The following WNT3 variants were observed in gnomAD, a reference collection of about 807,000 sequenced individuals.
WNT3 encodes Wnt family member 3.
A neutral mutation model predicts 34.2 loss-of-function variants in WNT3; 7 were observed. That is an observed-to-expected ratio of 0.20 (90% CI 0.12 to 0.38). WNT3 has a LOEUF of 0.38. Ranked by LOEUF, WNT3 falls within the 10% of genes least tolerant of loss-of-function variation. The pLI is 1.00. For synonymous variants in WNT3, 212 were observed against 211.5 expected (o/e 1.00, Z -0.02); for missense variants, 267 against 499.8 (o/e 0.53, Z 4.44).
At chr17:46,816,939 C>T (rs2084358628) in intron 1 of WNT3, among the ~76,000 whole-genome samples, 2 of 152,248 alleles carry the variant, frequency 1.3e-5, no homozygotes, top group Non-Finnish European at 2.9e-5. Flanking sequence ...CTGGCCGAAC[C>T]TCCTTCCTGA....
rs72628337 is a variant in WNT3 at position 46,773,055 on chromosome 17, G to A, written c.322+613C>T. ...TTAGCCTCCCTCCCAGGGCCTGCAG[G>A]TTCAAAGTCAAATCATGTGGTTCCC... On this transcript the variant is annotated intron_variant, in intron 2 of 4. Coordinates refer to ENST00000225512, the MANE Select transcript of WNT3 (RefSeq NM_030753.5). Among the ~76,000 whole-genome samples, 8,816 of 152,140 alleles carry A rather than the reference G, an allele frequency of 0.058. 1,392 individuals carry two copies. In the East Asian group the frequency reaches 0.6, roughly 10 times the overall value.
intron 1 of WNT3, among the ~76,000 whole-genome samples, chr17:46,806,589 A>G (rs2084200515): frequency 6.6e-6 from 1 of 152,204 alleles, no homozygotes. Flanking sequence ...GACAGTGCAG[A>G]GGTCACAGAC....
intron 1 of WNT3, among the ~76,000 whole-genome samples, chr17:46,807,044 A>G (rs750520087): frequency 2.6e-5 from 4 of 152,194 alleles, no homozygotes; most frequent in Non-Finnish European, 4.4e-5. Context: ...GGACATAGTC[A>G]TTGGCCAGGA....
chr17:46,777,125 G>A (rs1186931218), intron 1 of WNT3, among the ~76,000 whole-genome samples: 1 of 152,172 alleles, frequency 6.6e-6, no homozygotes, highest in Non-Finnish European at 1.5e-5. Context: ...CAGGAGAATC[G>A]CTTGAACCTG....
At chr17:46,773,595 G>T in intron 2 of WNT3, 73 bp downstream of exon 2, 2 of 1,459,680 alleles carry the variant, frequency 1.4e-6, no homozygotes, top group Non-Finnish European at 1.8e-6. Flanking sequence ...ACCCTGACTG[G>T]GGTGGAAGGG....
chr17:46,768,902 TC>T lies in WNT3; in HGVS notation c.589-104del. On this transcript the variant is annotated intron_variant, in intron 3 of 4. Coordinates refer to ENST00000225512, the MANE Select transcript of WNT3 (RefSeq NM_030753.5). The surrounding 1 kb of genome is among the most constrained non-coding windows in gnomAD (Gnocchi z 5.0). The stretch of plus-strand genomic sequence containing the variant: ...GCCCACCCCCTTCCCTCCAGCCTTC[TC>T]TACTCCTCTGTGACAGGAAGAGAAC... 6.6e-7 allele frequency: 1 copy of T among 1,505,320 alleles called. No homozygotes were observed. Among genetic ancestry groups the T allele is most frequent in the African/African-American group, 1.4e-5 (1 of 72,792 alleles). The allele number at this position is 1,505,320 out of a possible 1,614,324, so 93.2% of individuals were successfully genotyped here.
At chr17:46,777,793 A>G (rs1167022491) in intron 1 of WNT3, among the ~76,000 whole-genome samples, 1 of 152,230 alleles carries the variant, frequency 6.6e-6, no homozygotes, top group Non-Finnish European at 1.5e-5. Flanking sequence ...GCTGAGCCAG[A>G]ATTCAAGCCC....
chr17:46,805,919 G>C (rs1290224766), intron 1 of WNT3, among the ~76,000 whole-genome samples: 1 of 152,246 alleles, frequency 6.6e-6, no homozygotes, highest in African/African-American at 2.4e-5. Flanking sequence ...CTTGTTTAGA[G>C]CTCTGGGGTT....
chr17:46,773,047 GC>G (rs1161128255), intron 2 of WNT3, among the ~76,000 whole-genome samples: 2 of 152,082 alleles, frequency 1.3e-5, no homozygotes, highest in Non-Finnish European at 2.9e-5. Flanking sequence ...CCCTCCCAGG[GC>G]CTGCAGGTTC....
intron 1 of WNT3, 59 bp downstream of exon 1, chr17:46,818,459 C>T (rs867600557): frequency 1.9e-6 from 3 of 1,545,140 alleles, no homozygotes; most frequent in Non-Finnish European, 2.6e-6. Context: ...CCGGCGCCCC[C>T]ACCTTCCCCG....
intron 1 of WNT3, among the ~76,000 whole-genome samples, chr17:46,817,511 C>T (rs2084367808): frequency 4.6e-5 from 7 of 152,246 alleles, no homozygotes; most frequent in African/African-American, 1.7e-4. Flanking sequence ...TCCCCTCTGG[C>T]CCCTGGGACC....
intron 1 of WNT3, among the ~76,000 whole-genome samples, chr17:46,816,025 C>T (rs1460843609): frequency 6.6e-6 from 1 of 152,156 alleles, no homozygotes; most frequent in African/African-American, 2.4e-5. Flanking sequence ...CAAGCACAAT[C>T]AGGTCATGGC....
intron 1 of WNT3, among the ~76,000 whole-genome samples, chr17:46,801,406 G>A (rs528021501): frequency 1.1e-3 from 162 of 150,166 alleles, no homozygotes; most frequent in African/African-American, 3.8e-3. Context: ...CATCACCTGA[G>A]GTCAGGAGCT....
chr17:46,814,509 C>T (rs1338013412), intron 1 of WNT3, among the ~76,000 whole-genome samples: 1 of 152,170 alleles, frequency 6.6e-6, no homozygotes, highest in Non-Finnish European at 1.5e-5. Context: ...ATATCCCCCC[C>T]AGGGAAAGGT....
intron 1 of WNT3, among the ~76,000 whole-genome samples, chr17:46,786,716 G>A (rs1192734165): frequency 1.3e-5 from 2 of 152,306 alleles, no homozygotes; most frequent in Non-Finnish European, 1.5e-5. Flanking sequence ...CTCTGTTACT[G>A]AGGATGTCAT....
intron 1 of WNT3, among the ~76,000 whole-genome samples, chr17:46,808,510 G>A (rs1245512609): frequency 6.6e-6 from 1 of 152,146 alleles, no homozygotes; most frequent in Admixed American, 6.5e-5. Context: ...AAGGCTTTAG[G>A]TCCAACAGGG....
Position 46,784,772 on chromosome 17 carries a change from C to CT in WNT3, c.81-10864dup, listed in dbSNP as rs1175634691. 2.5e-4 allele frequency among the ~76,000 whole-genome samples: 28 copies of CT among 112,396 alleles called. 1 individual carries two copies. Among genetic ancestry groups the CT allele is most frequent in the African/African-American group, 7.6e-4 (22 of 28,990 alleles). The allele number at this position is 112,396 out of a possible 152,430, so 73.7% of individuals were successfully genotyped here. ...CCTCCTCTGCGCTTTCCCCTTTTTG[C>CT]TTTTCTTTTTTTTTTTTTTTTGAGA... On this transcript the variant is annotated intron_variant, in intron 1 of 4. Coordinates refer to ENST00000225512, the MANE Select transcript of WNT3 (RefSeq NM_030753.5).
At chr17:46,767,552 A>G (rs1340577397) in intron 4 of WNT3, among the ~76,000 whole-genome samples, 1 of 152,042 alleles carries the variant, frequency 6.6e-6, no homozygotes, top group Non-Finnish European at 1.5e-5. Flanking sequence ...CACCATCACC[A>G]CTTTATAGTA....
At chr17:46,808,694 T>A (rs749748647) in intron 1 of WNT3, among the ~76,000 whole-genome samples, 3 of 152,144 alleles carry the variant, frequency 2.0e-5, no homozygotes, top group Non-Finnish European at 4.4e-5. Flanking sequence ...CTTCTGCCAA[T>A]TGCAATCTTA....
Sources: allele counts gnomAD v4.1 joint callset (sites outside exome capture counted in the v4.1 genomes callset), GRCh38; gene constraint gnomAD v4.1.1; non-coding constraint Gnocchi (gnomAD v3.1); transcripts MANE v1.5; gene names NCBI Gene and HGNC (gene_info 2026-07-23, HGNC 2026-07-21).